The following RERE variants were observed in gnomAD, a reference collection of about 807,000 sequenced individuals.
RERE encodes arginine-glutamic acid dipeptide repeats protein.
In RERE, 40 loss-of-function variants were observed where a neutral mutation model predicts 146.1. The observed-to-expected ratio is 0.27, with a 90% CI of 0.21 to 0.36. The LOEUF (loss-of-function observed/expected upper bound fraction) is 0.36. Among genes scored for constraint, RERE ranks in the 10% least tolerant of loss-of-function variants. The pLI, the probability that RERE is intolerant of heterozygous loss-of-function variation, is 1.00. For synonymous variants in RERE, 1,003 were observed against 866.0 expected (o/e 1.16, Z -2.78); for missense variants, 1,933 against 2,138.7 (o/e 0.90, Z 1.90).
At chr1:8,660,185 G>A (rs1463641003) in intron 1 of RERE, among the ~76,000 whole-genome samples, 1 of 151,842 alleles carries the variant, frequency 6.6e-6, no homozygotes, top group Non-Finnish European at 1.5e-5. Context: ...ATTTACATTT[G>A]GCTCTAAAAT....
chr1:8,630,168 A>G (rs1018974995), intron 2 of RERE, among the ~76,000 whole-genome samples: 4 of 152,176 alleles, frequency 2.6e-5, no homozygotes, highest in African/African-American at 4.8e-5. Flanking sequence ...CAAAGAGTGT[A>G]TATGTTATGT....
chr1:8,641,172 A>G (rs1463052), intron 2 of RERE, among the ~76,000 whole-genome samples: 90,135 of 152,044 alleles, frequency 0.59, 27,320 homozygotes, highest in East Asian at 0.83. Flanking sequence ...CTCTGTCAAG[A>G]AAAAGAGCCA....
chr1:8,477,873 G>A (rs546461715), intron 10 of RERE, among the ~76,000 whole-genome samples: 2 of 152,034 alleles, frequency 1.3e-5, no homozygotes, highest in African/African-American at 2.4e-5. Context: ...AACGAAGACC[G>A]AAGAGGCATA....
At chr1:8,591,662 C>G (rs1646495729) in intron 4 of RERE, among the ~76,000 whole-genome samples, 1 of 152,158 alleles carries the variant, frequency 6.6e-6, no homozygotes, top group Admixed American at 6.5e-5. Flanking sequence ...GTACTAGTTT[C>G]TACACCTAGA....
chr1:8,652,405 C>T (rs1306870417), intron 2 of RERE, among the ~76,000 whole-genome samples: 1 of 152,216 alleles, frequency 6.6e-6, no homozygotes, highest in Non-Finnish European at 1.5e-5. Context: ...ACTTTAAGAA[C>T]CATTCTGTAA....
intron 12 of RERE, among the ~76,000 whole-genome samples, chr1:8,370,363 G>A (rs1479576241): frequency 6.6e-6 from 1 of 152,164 alleles, no homozygotes; most frequent in Non-Finnish European, 1.5e-5. Context: ...AAGAACTCAG[G>A]TAAGCACTCC....
intron 8 of RERE, among the ~76,000 whole-genome samples, chr1:8,504,135 C>T (rs1346434509): frequency 1.3e-5 from 2 of 152,098 alleles, no homozygotes; most frequent in East Asian, 1.9e-4. Context: ...GAAAAGGCCT[C>T]GAAATAGCAA....
At chr1:8,631,921 TC>T (rs1437138928) in intron 2 of RERE, among the ~76,000 whole-genome samples, 2 of 152,150 alleles carry the variant, frequency 1.3e-5, no homozygotes, top group African/African-American at 2.4e-5. Flanking sequence ...GAAGAGAACT[TC>T]CAGGCTTCAC....
intron 11 of RERE, among the ~76,000 whole-genome samples, chr1:8,458,617 C>T (rs1425084445): frequency 6.6e-6 from 1 of 150,578 alleles, no homozygotes; most frequent in Non-Finnish European, 1.5e-5. Flanking sequence ...CCCTAAAGAA[C>T]AGCACAAGGT....
Position 8,694,973 on chromosome 1 carries a change from A to AGGGG in RERE, c.-144-38536_-144-38533dup, listed in dbSNP as rs57215572. 6.5e-3 allele frequency among the ~76,000 whole-genome samples: 215 copies of AGGGG among 33,098 alleles called. 6 individuals carry two copies. The highest frequency in any genetic ancestry group is 6.8e-3 in the Non-Finnish European group (123 of 18,126). 21.7% of individuals were successfully genotyped at this position (33,098 alleles called of 152,430 possible). A position where few individuals can be genotyped will look rare whatever the true frequency, so the allele number is the denominator to read the frequency against. Reference sequence around the variant, plus strand: ...TACCCAAAGAGCCAAAGAAATCCTAAGGGGGGGGGGGGAATGCTGGCAGCA... The same window carrying AGGGG: ...TACCCAAAGAGCCAAAGAAATCCTAAGGGGGGGGGGGGGGGGAATGCTGGCAGCA... On this transcript the variant is annotated intron_variant, in intron 1 of 22. Coordinates refer to ENST00000400908, the MANE Select transcript of RERE (RefSeq NM_001042681.2).
chr1:8,468,900 T>TAA (rs528265802), intron 10 of RERE, among the ~76,000 whole-genome samples: 3 of 125,646 alleles, frequency 2.4e-5, no homozygotes, highest in African/African-American at 8.6e-5. Flanking sequence ...CTGCCTCCAA[T>TAA]AAAAAAAAAA....
chr1:8,354,724 G>A lies in RERE; in HGVS notation c.*363C>T. On this transcript the variant is annotated 3_prime_UTR_variant, in exon 23 of 23. Coordinates refer to ENST00000400908, the MANE Select transcript of RERE (RefSeq NM_001042681.2). ...GGAGCACTCGTGGCGGAGTGTGTCA[G>A]TGTGTCTGCACGCACAGTGAAGGGT... The A allele has an allele frequency of 4.7e-6, 1 of 212,478 alleles. No individual in the cohort carries two copies. Among genetic ancestry groups the A allele is most frequent in the Non-Finnish European group, 9.2e-6 (1 of 108,734 alleles). The allele number at this position is 212,478 out of a possible 1,614,324, so 13.2% of individuals were successfully genotyped here. A position where few individuals can be genotyped will look rare whatever the true frequency, so the allele number is the denominator to read the frequency against.
intron 8 of RERE, among the ~76,000 whole-genome samples, chr1:8,503,127 T>TA (rs1013140295): frequency 2.8e-5 from 4 of 143,782 alleles, no homozygotes; most frequent in African/African-American, 1.0e-4. Flanking sequence ...AATAAATAAA[T>TA]AAAAAAGAAT....
chr1:8,514,393 G>C (rs1645383518), intron 7 of RERE, among the ~76,000 whole-genome samples: 1 of 152,192 alleles, frequency 6.6e-6, no homozygotes. Flanking sequence ...TTTTGGTATA[G>C]GGCAGAAGAC....
intron 6 of RERE, among the ~76,000 whole-genome samples, chr1:8,548,839 G>A (rs1645898754): frequency 6.6e-6 from 1 of 152,052 alleles, no homozygotes. Flanking sequence ...AAAAAAATTG[G>A]CCAGGTGTGG....
chr1:8,566,149 C>A (rs538341278), intron 4 of RERE, among the ~76,000 whole-genome samples: 1 of 152,086 alleles, frequency 6.6e-6, no homozygotes. Flanking sequence ...TTTAGTGTAG[C>A]GCTGGAACTG....
chr1:8,554,806 C>G (rs1359079756), intron 6 of RERE, among the ~76,000 whole-genome samples: 1 of 151,696 alleles, frequency 6.6e-6, no homozygotes, highest in East Asian at 1.9e-4. Flanking sequence ...CCGGTCCCAG[C>G]TAACAATATT....
At chr1:8,532,066 A>C (rs1645661437) in intron 7 of RERE, among the ~76,000 whole-genome samples, 1 of 152,192 alleles carries the variant, frequency 6.6e-6, no homozygotes, top group African/African-American at 2.4e-5. Flanking sequence ...TATCCACAAA[A>C]ATTAAAAATT....
intron 4 of RERE, among the ~76,000 whole-genome samples, chr1:8,591,575 T>TTA (rs1646494668): frequency 6.6e-6 from 1 of 152,146 alleles, no homozygotes; most frequent in Non-Finnish European, 1.5e-5. Context: ...CCAAATCCAG[T>TTA]TAGTGACTGG....
Sources: allele counts gnomAD v4.1 joint callset (sites outside exome capture counted in the v4.1 genomes callset), GRCh38; gene constraint gnomAD v4.1.1; transcripts MANE v1.5; gene names NCBI Gene and HGNC (gene_info 2026-07-23, HGNC 2026-07-21).